The following SPC25 variants were observed in gnomAD, a reference collection of about 807,000 sequenced individuals.
SPC25 encodes SPC25 component of NDC80 kinetochore complex.
Under a neutral mutation model 29.6 loss-of-function variants are expected in SPC25, and 22 were observed. That is an observed-to-expected ratio of 0.74 (90% CI 0.53 to 1.06). The LOEUF (loss-of-function observed/expected upper bound fraction) is 1.06. SPC25 is among the 50% of genes least tolerant of loss of function. SPC25 has a pLI of 0.00. For synonymous variants in SPC25, 91 were observed against 90.4 expected (o/e 1.01, Z -0.04); for missense variants, 230 against 255.8 (o/e 0.90, Z 0.69).
At chr2:168,883,574 G>C (rs1690211436) in intron 3 of SPC25, among the ~76,000 whole-genome samples, 1 of 152,134 alleles carries the variant, frequency 6.6e-6, no homozygotes, top group Non-Finnish European at 1.5e-5. Context: ...AAACTCTTTT[G>C]CTCATTTGTA....
rs1190613822 is a variant in SPC25 at position 168,863,383 on chromosome 2, A to G, written n.419+10202T>C. 6.1e-6 allele frequency: 6 copies of G among 983,502 alleles called. No individual in the cohort carries two copies. In the Admixed American group the frequency reaches 3.1e-4, roughly 50 times the overall value. 60.9% of individuals were successfully genotyped at this position (983,502 alleles called of 1,614,324 possible). A position where few individuals can be genotyped will look rare whatever the true frequency, so the allele number is the denominator to read the frequency against. On this transcript the variant is annotated intron_variant and non_coding_transcript_variant, in intron 4 of 4. Coordinates refer to the SPC25 transcript ENST00000479309. ...ATAATTTCCTTTGTCTTAGAAAGAA[A>G]GTTGCTGAGGAAAAGAGTGAAAGGA...
downstream of SPC25, among the ~76,000 whole-genome samples, chr2:168,867,692 T>TA (rs1207402581): frequency 3.9e-5 from 6 of 152,382 alleles, no homozygotes; most frequent in East Asian, 1.2e-3. Flanking sequence ...CTAACTATCC[T>TA]AAATATATAT....
intron 6 of SPC25, 51 bp downstream of exon 6, chr2:168,873,534 A>T: frequency 7.8e-7 from 1 of 1,282,900 alleles, no homozygotes; most frequent in Non-Finnish European, 1.1e-6. Flanking sequence ...GATTGAAATA[A>T]CATTTTGGAA....
intron 3 of SPC25, among the ~76,000 whole-genome samples, chr2:168,886,160 C>T (rs573875218): frequency 6.7e-6 from 1 of 149,622 alleles, no homozygotes; most frequent in East Asian, 2.0e-4. Context: ...CTCAAGCGAT[C>T]CTCCTGTCTC....
chr2:168,861,955 T>C, intron 4 of SPC25: 2 of 1,614,030 alleles, frequency 1.2e-6, no homozygotes, highest in Middle Eastern at 1.6e-4. Context: ...CTTTATCTAT[T>C]TCAGCCCCTG....
chr2:168,872,248 G>A (rs187005932), intron 6 of SPC25, among the ~76,000 whole-genome samples: 4 of 152,254 alleles, frequency 2.6e-5, no homozygotes, highest in South Asian at 2.1e-4. Context: ...GATTACAGGC[G>A]TAAGCCACCA....
chr2:168,863,432 G>A lies in SPC25; in HGVS notation n.419+10153C>T, dbSNP rs16856067. 3,885 of 985,094 alleles carry A rather than the reference G, an allele frequency of 3.9e-3. 106 individuals are homozygous for A. The African/African-American group carries it at 0.059, about 15-fold the overall frequency. 61.0% of individuals were successfully genotyped at this position (985,094 alleles called of 1,614,324 possible). On this transcript the variant is annotated intron_variant and non_coding_transcript_variant, in intron 4 of 4. Transcript: ENST00000479309. ...GAAGACTGAAAAATCACCTCAGAATGATGCCAAATAAAAAGTAGCTCTTGG... is the reference window on the plus strand; with the variant it reads ...GAAGACTGAAAAATCACCTCAGAATAATGCCAAATAAAAAGTAGCTCTTGG...
At chr2:168,880,130 A>T (rs1415128316) in intron 3 of SPC25, among the ~76,000 whole-genome samples, 1 of 152,204 alleles carries the variant, frequency 6.6e-6, no homozygotes, top group African/African-American at 2.4e-5. Flanking sequence ...TGCATTAGTC[A>T]CTAAAGAGTC....
intron 6 of SPC25, among the ~76,000 whole-genome samples, chr2:168,872,867 C>G (rs959966793): frequency 2.0e-5 from 3 of 152,088 alleles, no homozygotes; most frequent in Non-Finnish European, 4.4e-5. Flanking sequence ...CAGCGCTGTG[C>G]CAGCTCAGCA....
downstream of SPC25, among the ~76,000 whole-genome samples, chr2:168,869,358 G>C (rs1433498842): frequency 1.3e-5 from 2 of 152,280 alleles, no homozygotes; most frequent in South Asian, 2.1e-4. Context: ...TCTGGCCAGG[G>C]CAATCAGGCA....
At chr2:168,890,010 C>T (rs1308862942) in intron 1 of SPC25, among the ~76,000 whole-genome samples, 1 of 152,072 alleles carries the variant, frequency 6.6e-6, no homozygotes, top group Non-Finnish European at 1.5e-5. Flanking sequence ...TAGGTTCCGT[C>T]GAGGATGTAT....
chr2:168,890,011 G>A (rs12995664), intron 1 of SPC25, among the ~76,000 whole-genome samples: 2 of 152,064 alleles, frequency 1.3e-5, no homozygotes, highest in African/African-American at 4.8e-5. Flanking sequence ...AGGTTCCGTC[G>A]AGGATGTATA....
intron 3 of SPC25, among the ~76,000 whole-genome samples, chr2:168,879,574 C>G (rs1220223435): frequency 6.6e-6 from 1 of 152,178 alleles, no homozygotes; most frequent in Non-Finnish European, 1.5e-5. Flanking sequence ...AAGTCTTGAA[C>G]CTCTCAAAGT....
At chr2:168,872,451 T>C (rs894281786) in intron 6 of SPC25, among the ~76,000 whole-genome samples, 1 of 152,202 alleles carries the variant, frequency 6.6e-6, no homozygotes, top group Non-Finnish European at 1.5e-5. Context: ...TCCTTGTATG[T>C]AGTTGTACCA....
intron 3 of SPC25, among the ~76,000 whole-genome samples, chr2:168,887,684 C>T (rs1361878072): frequency 1.3e-5 from 2 of 152,074 alleles, no homozygotes; most frequent in Non-Finnish European, 2.9e-5. Flanking sequence ...TGTTTGTGTC[C>T]TGTGTGTAAG....
At chr2:168,866,159 T>C (rs1162181596), downstream of SPC25, among the ~76,000 whole-genome samples, 1 of 152,306 alleles carries the variant, frequency 6.6e-6, no homozygotes, top group Non-Finnish European at 1.5e-5. Context: ...GAGCCCACAT[T>C]GCCAAGTCAA....
intron 6 of SPC25, among the ~76,000 whole-genome samples, chr2:168,872,723 C>T (rs539184722): frequency 6.6e-6 from 1 of 152,180 alleles, no homozygotes; most frequent in East Asian, 1.9e-4. Flanking sequence ...GTTTTTGGGG[C>T]TTGCTTTTTA....
At chr2:168,882,621 A>ATAAC (rs1365780608) in intron 3 of SPC25, among the ~76,000 whole-genome samples, 1 of 151,184 alleles carries the variant, frequency 6.6e-6, no homozygotes, top group Non-Finnish European at 1.5e-5. Context: ...AAATAAATAA[A>ATAAC]TAAACAGACA....
intron 5 of SPC25, among the ~76,000 whole-genome samples, chr2:168,874,704 G>T (rs1455271405): frequency 2.6e-5 from 4 of 152,080 alleles, no homozygotes; most frequent in Non-Finnish European, 4.4e-5. Flanking sequence ...AGTCCAAGGA[G>T]AACCAGGCAT....
Sources: allele counts gnomAD v4.1 joint callset (sites outside exome capture counted in the v4.1 genomes callset), GRCh38; gene constraint gnomAD v4.1.1; transcripts MANE v1.5; gene names NCBI Gene and HGNC (gene_info 2026-07-23, HGNC 2026-07-21).